Variants in FKBP15 observed in about 807,000 individuals in gnomAD.
FKBP15 encodes FK506-binding protein 15.
A neutral mutation model predicts 158.1 loss-of-function variants in FKBP15; 106 were observed. That is an observed-to-expected ratio of 0.67 (90% confidence interval 0.57 to 0.79). The LOEUF (loss-of-function observed/expected upper bound fraction) is 0.79, where lower values mean the gene tolerates loss of function less well. Ranked by LOEUF, FKBP15 falls within the 30% of genes least tolerant of loss-of-function variation. The probability of loss-of-function intolerance (pLI) is 0.00; values close to 1 mark genes in which losing one functional copy is unlikely to be tolerated. For synonymous variants in FKBP15, 547 were observed against 548.6 expected (o/e 1.00, Z 0.04); for missense variants, 1,287 against 1,479.1 (o/e 0.87, Z 2.13).
Position 113,169,230 on chromosome 9 carries a change from C to T in FKBP15, c.3479G>A (p.Arg1160His), listed in dbSNP as rs375508657. 4.7e-5 allele frequency: 75 copies of T among 1,611,896 alleles called. No individual in the cohort carries two copies. The highest frequency in any genetic ancestry group is 5.3e-5 in the Non-Finnish European group (62 of 1,178,760). Reference sequence around the variant, plus strand: ...AGTGCTCAGAGGAACATACCTGGAACGCTGGGAATGATGGCTGGGTCTGAG... The same window carrying T: ...AGTGCTCAGAGGAACATACCTGGAATGCTGGGAATGATGGCTGGGTCTGAG... ...AALRPSHHSQ[R>H]SSLSGDEEDE... The change falls in exon 26 of 28, where the codon CGT becomes CAT. Residue 1160 changes from arginine to histidine, a missense_variant. Arg to His is a conservative substitution (Grantham distance 29). Coordinates refer to ENST00000238256, the MANE Select transcript of FKBP15 (RefSeq NM_015258.2).
At chr9:113,185,767 GCTTGA>G (rs1330534389) in intron 15 of FKBP15, among the ~76,000 whole-genome samples, 2 of 152,156 alleles carry the variant, frequency 1.3e-5, no homozygotes, top group Non-Finnish European at 2.9e-5. Flanking sequence ...CTTTTGTACT[GCTTGA>G]CTTTTTTATA....
chr9:113,200,637 A>G (rs1182521155), intron 6 of FKBP15, among the ~76,000 whole-genome samples: 1 of 152,184 alleles, frequency 6.6e-6, no homozygotes, highest in Non-Finnish European at 1.5e-5. Flanking sequence ...TAAGCCCTCA[A>G]AAGCAATATA....
At chr9:113,207,813 T>C (rs1353324434) in intron 2 of FKBP15, among the ~76,000 whole-genome samples, 1 of 152,162 alleles carries the variant, frequency 6.6e-6, no homozygotes, top group Non-Finnish European at 1.5e-5. Flanking sequence ...AATTATACCA[T>C]GATAGTGCCT....
At position 113,163,666 on chromosome 9, in the gene FKBP15, C is replaced by T. The variant is rs1290302116; in HGVS notation, c.*2412G>A. On this transcript the variant is annotated 3_prime_UTR_variant, in exon 28 of 28. Transcript: ENST00000238256. Reference sequence around the variant, plus strand: ...ACTGCTTTCAGGCTCCTGGTTTATTCTCTGATAGACTGAGCTCCTTCCACC... The same window carrying T: ...ACTGCTTTCAGGCTCCTGGTTTATTTTCTGATAGACTGAGCTCCTTCCACC... The T allele has an allele frequency of 6.9e-6, 1 of 145,888 alleles. No homozygotes were observed. The highest frequency in any genetic ancestry group is 2.0e-4 in the East Asian group (1 of 5,106). 9.0% of individuals were successfully genotyped at this position (145,888 alleles called of 1,614,324 possible).
chr9:113,206,428 A>G, intron 4 of FKBP15, 81 bp downstream of exon 4: 1 of 1,070,734 alleles, frequency 9.3e-7, no homozygotes, highest in South Asian at 1.3e-5. Context: ...TAAACAAGAC[A>G]TCGGGCAAGC....
chr9:113,196,541 G>A (rs112291878), intron 9 of FKBP15, among the ~76,000 whole-genome samples: 2,650 of 152,024 alleles, frequency 0.017, 91 homozygotes, highest in African/African-American at 0.061. Flanking sequence ...ATGCCACCAC[G>A]CCTGGCTAAT....
In FKBP15 at chr9:113,170,334, G is replaced by A. The variant is rs1297349398; in HGVS notation, c.2766+188C>T. Reference sequence around the variant, plus strand: ...TTTAGTAGAGACAAAGTCTCATTATGTTGCCCAAGCTGGTCTCAAGCTCCT... The same window carrying A: ...TTTAGTAGAGACAAAGTCTCATTATATTGCCCAAGCTGGTCTCAAGCTCCT... On this transcript the variant is annotated intron_variant, in intron 25 of 27. Transcript: ENST00000238256. 2.0e-5 allele frequency among the ~76,000 whole-genome samples: 3 copies of A among 152,246 alleles called. No individual in the cohort carries two copies. The East Asian group carries it at 5.8e-4, about 29-fold the overall frequency.
chr9:113,179,890 G>C (rs1026825020), intron 19 of FKBP15, among the ~76,000 whole-genome samples: 1 of 152,202 alleles, frequency 6.6e-6, no homozygotes, highest in South Asian at 2.1e-4. Context: ...AGTAGCCTTA[G>C]GTTTTCACCT....
chr9:113,196,810 C>T, intron 9 of FKBP15, 122 bp downstream of exon 9: 1 of 1,271,096 alleles, frequency 7.9e-7, no homozygotes, highest in Non-Finnish European at 1.1e-6. Flanking sequence ...TCTAATTTTT[C>T]AAAGAAATCT....
intron 12 of FKBP15, among the ~76,000 whole-genome samples, chr9:113,188,862 C>A (rs1025042935): frequency 4.6e-5 from 7 of 152,166 alleles, no homozygotes. Flanking sequence ...AAAAAGTGGT[C>A]TTTTGCAAGA....
intron 1 of FKBP15, among the ~76,000 whole-genome samples, chr9:113,211,858 C>T (rs1831013003): frequency 6.6e-6 from 1 of 152,106 alleles, no homozygotes; most frequent in Non-Finnish European, 1.5e-5. Context: ...TCCCCAGGAC[C>T]TTGGTCAAGG....
At chr9:113,211,693 A>G (rs1831009437) in intron 1 of FKBP15, 101 bp from the exon 2 acceptor site, 1 of 679,902 alleles carries the variant, frequency 1.5e-6, no homozygotes, top group Admixed American at 2.7e-5. Context: ...TACCTCCTTG[A>G]CTACATCCCA....
Position 113,207,282 on chromosome 9 carries a change from G to A in FKBP15, c.184C>T (p.Pro62Ser), listed in dbSNP as rs1235476182. 6 of 1,610,212 alleles carry A rather than the reference G, an allele frequency of 3.7e-6. No individual in the cohort carries two copies. Among genetic ancestry groups the A allele is most frequent in the Non-Finnish European group, 5.1e-6 (6 of 1,178,730 alleles). ...CTCATGGTGGCTGGTGCTGTTTTTG[G>A]TGTTGCCTGATTTCCTGAAGATGAA... is the stretch of plus-strand genomic sequence containing the variant. ...GTAATGNQAT[P>S]KTAPATMSTP... The change falls in exon 3 of 28, where the codon CCA (proline) becomes TCA (serine). Residue 62 changes from proline to serine, a missense_variant. Pro to Ser is a moderately conservative substitution (Grantham distance 74, BLOSUM62 -1). Transcript: ENST00000238256.
rs184980107 is a variant in FKBP15, at chr9:113,213,906, T to C, written c.54-2314A>G. Among the ~76,000 whole-genome samples the C allele has an allele frequency of 3.5e-4, 53 of 152,288 alleles. 1 individual carries two copies. In the East Asian group the frequency reaches 0.01, roughly 29 times the overall value. On this transcript the variant is annotated intron_variant, in intron 1 of 27. Coordinates refer to ENST00000238256, the MANE Select transcript of FKBP15 (RefSeq NM_015258.2). ...TGTAAGCAGGGCTTTTTAGGAATAA[T>C]AGTCTCAGGCTTGCTGTGTTAACTC...
chr9:113,212,442 G>T (rs1361294066), intron 1 of FKBP15, among the ~76,000 whole-genome samples: 1 of 152,066 alleles, frequency 6.6e-6, no homozygotes, highest in Admixed American at 6.5e-5. Context: ...ACCCACCTCG[G>T]CCTCCCAAAG....
intron 1 of FKBP15, among the ~76,000 whole-genome samples, chr9:113,218,394 T>TAC (rs1353493275): frequency 1.3e-4 from 16 of 125,352 alleles, no homozygotes; most frequent in Non-Finnish European, 2.4e-4. Flanking sequence ...TATATATATA[T>TAC]ATATATATAT....
rs1330293245 is a variant in FKBP15 at position 113,169,553 on chromosome 9, T to C, written c.3156A>G (p.Val1052=). The C allele has an allele frequency of 5.0e-6, 8 of 1,613,970 alleles. No individual in the cohort carries two copies. The highest frequency in any genetic ancestry group is 6.8e-6 in the Non-Finnish European group (8 of 1,179,874). ...ACTCCTCACACTCAGAGTCCATGGA[T>C]ACAGGGCCTAGGGGCTCAGGTGGAA... is the stretch of plus-strand genomic sequence containing the variant. The part of the protein sequence containing the change: ...TSIPPEPLGP[V]SMDSECEESL... The change falls in exon 26 of 28, where the codon GTA becomes GTG. Residue 1052 remains valine (V), a synonymous_variant. Coordinates refer to ENST00000238256, the MANE Select transcript of FKBP15 (RefSeq NM_015258.2).
Position 113,186,446 on chromosome 9 carries a change from G to T in FKBP15, c.1384-83C>A, listed in dbSNP as rs1018161106. 3.9e-6 allele frequency: 4 copies of T among 1,033,408 alleles called. No individual in the cohort carries two copies. In the African/African-American group the frequency reaches 4.8e-5, roughly 12 times the overall value. 64.0% of individuals were successfully genotyped at this position (1,033,408 alleles called of 1,614,324 possible). On this transcript the variant is annotated intron_variant, in intron 14 of 27. Coordinates refer to ENST00000238256, the MANE Select transcript of FKBP15 (RefSeq NM_015258.2). ...TCACATTTTTCTTTGGTGGAATAAA[G>T]TGGATGAGCTGGGAGGAGACTCAAA...
At position 113,170,611 on chromosome 9, in the gene FKBP15, G is replaced by C. The variant is rs773591286; in HGVS notation, c.2677C>G (p.Gln893Glu). 5 of 1,613,164 alleles carry C rather than the reference G, an allele frequency of 3.1e-6. No homozygotes were observed. The highest frequency in any genetic ancestry group is 1.7e-5 in the Admixed American group (1 of 59,978). ...PSEKVKKIMN[Q>E]VFQSLRREFE... ...TCTCTCCGTAAGGACTGGAACACCT[G>C]GTTCATGATCTTCTTGACCTGTGTG... Residue 893 changes from glutamine (Q) to glutamate (E), a missense_variant, in exon 25 of 28, where the codon CAG becomes GAG. By Grantham distance (29) the Gln-to-Glu change is conservative (BLOSUM62 2). Transcript: ENST00000238256.
Sources: allele counts gnomAD v4.1 joint callset (sites outside exome capture counted in the v4.1 genomes callset), GRCh38; gene constraint gnomAD v4.1.1; transcripts MANE v1.5; gene names NCBI Gene and HGNC (gene_info 2026-07-23, HGNC 2026-07-21).